ENPP6: variants seen among roughly 807,000 people sequenced by gnomAD.
The protein encoded by ENPP6 is ectonucleotide pyrophosphatase/phosphodiesterase 6, also known as glycerophosphocholine cholinephosphodiesterase ENPP6.
A neutral mutation model predicts 42.0 loss-of-function variants in ENPP6; 32 were observed. The ratio of observed to expected loss-of-function variants is 0.76; its 90% CI spans 0.58 to 1.02. ENPP6 has a LOEUF of 1.02. ENPP6 is among the 50% of genes least tolerant of loss of function. The pLI, the probability that ENPP6 is intolerant of heterozygous loss-of-function variation, is 0.00. For synonymous variants in ENPP6, 213 were observed against 216.0 expected (o/e 0.99, Z 0.12); for missense variants, 552 against 566.8 (o/e 0.97, Z 0.27).
intron 1 of ENPP6, among the ~76,000 whole-genome samples, chr4:184,194,008 C>A (rs1453151259): frequency 6.6e-6 from 1 of 152,088 alleles, no homozygotes; most frequent in Non-Finnish European, 1.5e-5. Flanking sequence ...CCTCTGTTGC[C>A]ACGGTCCCTG....
chr4:184,106,665 C>G (rs1033889634), intron 6 of ENPP6, among the ~76,000 whole-genome samples: 1 of 152,114 alleles, frequency 6.6e-6, no homozygotes, highest in African/African-American at 2.4e-5. Flanking sequence ...ACCCCAGTAC[C>G]CTCTTTCATG....
At chr4:184,152,202 G>A (rs1737063696) in intron 2 of ENPP6, among the ~76,000 whole-genome samples, 1 of 152,202 alleles carries the variant, frequency 6.6e-6, no homozygotes, top group African/African-American at 2.4e-5. Context: ...CAGCTGGGTG[G>A]TGGGCTGCCC....
rs376785932 is a variant in ENPP6, at chr4:184,091,251, G to A, written c.1249C>T (p.Arg417Cys). Residue 417 changes from arginine to cysteine, a missense_variant, in exon 8 of 8, where the codon CGC becomes TGC. Physicochemically the swap from Arg to Cys is radical, Grantham distance 180 (BLOSUM62 -3). Around this residue, in one of 2 missense-constraint regions of ENPP6, gnomAD observed 545 missense variants for 546.3 expected, o/e 1.00. Coordinates refer to ENST00000296741, the MANE Select transcript of ENPP6 (RefSeq NM_153343.4). ...CAGACAGGCGGGGCAGTGCTGGCGC[G>A]GCCCTTCAGCATGCACATCACCCTG... The part of the protein sequence containing the change: ...WSRVMCMLKG[R>C]ASTAPPVWPS... 3.5e-5 allele frequency: 57 copies of A among 1,606,124 alleles called. No homozygotes were observed. The highest frequency in any genetic ancestry group is 2.1e-4 in the South Asian group (19 of 89,212).
At chr4:184,134,287 C>T (rs61708325) in intron 2 of ENPP6, among the ~76,000 whole-genome samples, 12,177 of 151,976 alleles carry the variant, frequency 0.08, 1,460 homozygotes, top group African/African-American at 0.26. Flanking sequence ...CTTGATTTAT[C>T]TTTATGCATT....
At chr4:184,208,002 C>CCTGGTTTTAACTTGGTTTTAA (rs1733028986) in intron 1 of ENPP6, among the ~76,000 whole-genome samples, 1 of 103,954 alleles carries the variant, frequency 9.6e-6, no homozygotes, top group Non-Finnish European at 2.1e-5. Flanking sequence ...GCTCTAATGG[C>CCTGGTTTTAACTTGGTTTTAA]CTTGTTTTAA....
intron 1 of ENPP6, among the ~76,000 whole-genome samples, chr4:184,179,909 T>C (rs562467445): frequency 6.8e-6 from 1 of 146,654 alleles, no homozygotes; most frequent in South Asian, 2.3e-4. Context: ...AATGGCCACA[T>C]TGAAAAGCTA....
intron 1 of ENPP6, among the ~76,000 whole-genome samples, chr4:184,196,201 G>A (rs1449862188): frequency 6.6e-6 from 1 of 152,188 alleles, no homozygotes; most frequent in Non-Finnish European, 1.5e-5. Context: ...GATCCTTCAG[G>A]CTTTACTCAA....
intron 6 of ENPP6, among the ~76,000 whole-genome samples, chr4:184,101,170 C>CTTG (rs1248025073): frequency 2.6e-5 from 4 of 151,552 alleles, no homozygotes; most frequent in African/African-American, 9.7e-5. Context: ...TGTGTGTGTG[C>CTTG]ATGAGTGTGT....
At chr4:184,190,577 CTATT>C (rs1732700486) in intron 1 of ENPP6, among the ~76,000 whole-genome samples, 1 of 152,166 alleles carries the variant, frequency 6.6e-6, no homozygotes. Context: ...AGCTGGCTAA[CTATT>C]TAGGATACAG....
At chr4:184,205,674 C>T (rs1232725871) in intron 1 of ENPP6, among the ~76,000 whole-genome samples, 1 of 152,144 alleles carries the variant, frequency 6.6e-6, no homozygotes, top group African/African-American at 2.4e-5. Flanking sequence ...CAAAACAGGG[C>T]TGCTCTAGTT....
chr4:184,130,387 T>A (rs1266464129), intron 2 of ENPP6, among the ~76,000 whole-genome samples: 2 of 140,024 alleles, frequency 1.4e-5, no homozygotes, highest in Admixed American at 7.2e-5. Flanking sequence ...TGAAACCCTG[T>A]CTCTACTAAA....
At chr4:184,150,210 G>A (rs17075363) in intron 2 of ENPP6, among the ~76,000 whole-genome samples, 2,456 of 152,250 alleles carry the variant, frequency 0.016, 67 homozygotes, top group African/African-American at 0.052. Context: ...TATATTAAAC[G>A]CCTCAAGACT....
At chr4:184,104,128 G>T (rs912854569) in intron 6 of ENPP6, among the ~76,000 whole-genome samples, 10 of 151,992 alleles carry the variant, frequency 6.6e-5, no homozygotes, top group Admixed American at 3.3e-4. Context: ...AACGCATGCA[G>T]CTTCCCACCC....
Position 184,207,903 on chromosome 4 carries a change from G to A in ENPP6, c.241+9676C>T, listed in dbSNP as rs533876269. On this transcript the variant is annotated intron_variant, in intron 1 of 7. Transcript: ENST00000296741. Reference sequence around the variant, plus strand: ...CCCCTCTCCACCGCCTGCGAGGGCCGCCTTGCTGTGTCCTCAGATGGCCTT... The same window carrying A: ...CCCCTCTCCACCGCCTGCGAGGGCCACCTTGCTGTGTCCTCAGATGGCCTT... Among the ~76,000 whole-genome samples the A allele has an allele frequency of 7.9e-5, 12 of 152,310 alleles. No homozygotes were observed. In the South Asian group the frequency reaches 8.3e-4, roughly 11 times the overall value.
intron 2 of ENPP6, among the ~76,000 whole-genome samples, chr4:184,131,220 T>C (rs71638118): frequency 0.55 from 48,754 of 88,564 alleles, 13,794 homozygotes; most frequent in South Asian, 0.59. Flanking sequence ...TTCTTTCTTT[T>C]TCTTTCTTTC....
intron 1 of ENPP6, among the ~76,000 whole-genome samples, chr4:184,161,790 C>A (rs965301390): frequency 6.6e-6 from 1 of 151,582 alleles, no homozygotes; most frequent in Non-Finnish European, 1.5e-5. Context: ...AATGGAAAAC[C>A]AAACATTGTA....
chr4:184,196,404 A>G (rs1732802147), intron 1 of ENPP6, among the ~76,000 whole-genome samples: 1 of 152,266 alleles, frequency 6.6e-6, no homozygotes, highest in African/African-American at 2.4e-5. Flanking sequence ...CAAAGTAGAA[A>G]TTCAGTATAT....
chr4:184,200,657 C>T (rs770096037), intron 1 of ENPP6, among the ~76,000 whole-genome samples: 24 of 152,326 alleles, frequency 1.6e-4, no homozygotes, highest in Admixed American at 4.6e-4. Flanking sequence ...CAGGAGAAGC[C>T]GGCTCCTCTG....
chr4:184,124,680 G>A (rs76025157), intron 2 of ENPP6, among the ~76,000 whole-genome samples: 2,194 of 152,206 alleles, frequency 0.014, 53 homozygotes, highest in African/African-American at 0.05. Context: ...TCAAGTATTA[G>A]GTAGCATCTG....
Sources: gnomAD v4.1 joint callset for allele counts (sites outside exome capture counted in the v4.1 genomes callset) on GRCh38, gnomAD v4.1.1 for gene constraint, gnomAD v4.1.1 regional missense constraint, MANE v1.5 for transcripts, NCBI Gene and HGNC (gene_info 2026-07-23, HGNC 2026-07-21) for gene names.